GLCE: variants seen among roughly 807,000 people sequenced by gnomAD.
GLCE encodes the protein glucuronic acid epimerase.
Under a neutral mutation model 47.9 loss-of-function variants are expected in GLCE, and 19 were observed. The observed-to-expected ratio is 0.40, with a 90% CI of 0.28 to 0.58. The LOEUF is 0.58. Among genes scored for constraint, GLCE ranks in the 20% least tolerant of loss-of-function variants. The pLI is 0.48. For missense variants in GLCE, 556 were observed against 743.3 expected, an observed-to-expected ratio of 0.75 and a Z score of 2.93; for synonymous variants, 245 against 263.4, an observed-to-expected ratio of 0.93 and a Z score of 0.68.
chr15:69,176,513 C>G lies in GLCE; in HGVS notation c.-105+15756C>G, dbSNP rs182866274. Among the ~76,000 whole-genome samples, 330 of 152,120 alleles carry G rather than the reference C, an allele frequency of 2.2e-3. 1 individual carries two copies. Among genetic ancestry groups the G allele is most frequent in the African/African-American group, 5.8e-3 (241 of 41,520 alleles). On this transcript the variant is annotated intron_variant, in intron 1 of 4. Transcript: ENST00000261858. ...TACTGGGATTACAGGCATGCGTCAG[C>G]CACCACCCCTGGCCCATTTTTGTTT... is the stretch of plus-strand genomic sequence containing the variant.
chr15:69,217,766 A>C (rs879337882), intron 2 of GLCE, among the ~76,000 whole-genome samples: 6 of 152,200 alleles, frequency 3.9e-5, no homozygotes, highest in Non-Finnish European at 5.9e-5. Flanking sequence ...TATTTTATTT[A>C]ATTCTTAAAT....
intron 1 of GLCE, chr15:69,197,199 A>C: frequency 2.4e-6 from 1 of 422,564 alleles, no homozygotes; most frequent in Non-Finnish European, 4.8e-6. Context: ...AAGTTGAATG[A>C]ATTGGGCACA....
intron 3 of GLCE, 60 bp from the exon 4 acceptor site, chr15:69,261,027 A>G (rs1325394394): frequency 1.3e-6 from 2 of 1,490,098 alleles, no homozygotes; most frequent in Non-Finnish European, 1.8e-6. Context: ...GAGGAATGGT[A>G]TTAGGAATAG....
At chr15:69,220,752 T>C (rs181655230) in intron 2 of GLCE, among the ~76,000 whole-genome samples, 3 of 152,324 alleles carry the variant, frequency 2.0e-5, no homozygotes, top group Non-Finnish European at 2.9e-5. Flanking sequence ...TCTGCTGATA[T>C]TGTCTTTTGA....
Position 69,261,172 on chromosome 15 carries a change from G to A in GLCE, c.672G>A (p.Lys224=). 6.2e-7 allele frequency: 1 copy of A among 1,613,984 alleles called. No individual in the cohort carries two copies. Among genetic ancestry groups the A allele is most frequent in the East Asian group, 2.2e-5 (1 of 44,858 alleles). The change falls in exon 4 of 5, where the codon AAG becomes AAA. Residue 224 remains lysine, a synonymous_variant. Transcript: ENST00000261858. ...AGTATGGATTAAGTCATTACAGCAA[G>A]AATCTAACTGAGAAACCTCCTCACA... ...IAQYGLSHYS[K]NLTEKPPHIE...
intron 1 of GLCE, among the ~76,000 whole-genome samples, chr15:69,188,112 G>A (rs934411225): frequency 3.3e-5 from 5 of 151,998 alleles, no homozygotes; most frequent in Non-Finnish European, 5.9e-5. Context: ...GCCTGGTGGT[G>A]CATGCCTGTA....
chr15:69,230,529 A>C (rs2052508533), intron 2 of GLCE, among the ~76,000 whole-genome samples: 1 of 152,198 alleles, frequency 6.6e-6, no homozygotes, highest in South Asian at 2.1e-4. Flanking sequence ...GTTGAACTGT[A>C]GTCTACCACA....
chr15:69,234,729 G>C (rs1381905994), intron 2 of GLCE, among the ~76,000 whole-genome samples: 1 of 152,102 alleles, frequency 6.6e-6, no homozygotes, highest in Non-Finnish European at 1.5e-5. Flanking sequence ...GTTAATGAAA[G>C]GTCTTGCAGT....
intron 1 of GLCE, among the ~76,000 whole-genome samples, chr15:69,187,221 G>C (rs751643599): frequency 6.6e-6 from 1 of 151,998 alleles, no homozygotes; most frequent in Non-Finnish European, 1.5e-5. Flanking sequence ...GCTAGTCACT[G>C]TTATCTGTCA....
intron 3 of GLCE, among the ~76,000 whole-genome samples, chr15:69,256,743 A>G (rs2140440735): frequency 6.6e-6 from 1 of 152,316 alleles, no homozygotes; most frequent in South Asian, 2.1e-4. Flanking sequence ...CATCCAGTGG[A>G]CCCATCAATG....
chr15:69,267,783 A>C (rs188500431), intron 4 of GLCE, among the ~76,000 whole-genome samples: 1 of 151,652 alleles, frequency 6.6e-6, no homozygotes, highest in Non-Finnish European at 1.5e-5. Context: ...TTTAAAATTC[A>C]TGTATAACCA....
intron 4 of GLCE, among the ~76,000 whole-genome samples, chr15:69,267,119 T>A (rs2053097880): frequency 6.6e-6 from 1 of 152,238 alleles, no homozygotes; most frequent in Non-Finnish European, 1.5e-5. Flanking sequence ...AGATGAGCAG[T>A]ATTCAAAATG....
chr15:69,186,308 A>G (rs1446170640), intron 1 of GLCE, among the ~76,000 whole-genome samples: 1 of 152,138 alleles, frequency 6.6e-6, no homozygotes, highest in African/African-American at 2.4e-5. Context: ...GAAGAGGAGA[A>G]GGTCAGAGGC....
chr15:69,205,832 T>C lies in GLCE; in HGVS notation c.-104-4484T>C, dbSNP rs574258470. The stretch of plus-strand genomic sequence containing the variant: ...TCCTTTGACCATTAAAAACAACCTT[T>C]TTATTTTGGTAGAAGTTTAGGTGTA... On this transcript the variant is annotated intron_variant, in intron 1 of 4. Transcript: ENST00000261858. Among the ~76,000 whole-genome samples, 88 of 152,272 alleles carry C rather than the reference T, an allele frequency of 5.8e-4. 1 individual carries two copies. The highest frequency in any genetic ancestry group is 5.0e-3 in the South Asian group (24 of 4,828).
At chr15:69,260,340 A>G (rs2052996220) in intron 3 of GLCE, among the ~76,000 whole-genome samples, 1 of 145,288 alleles carries the variant, frequency 6.9e-6, no homozygotes, top group Admixed American at 7.3e-5. Context: ...GCTCACTGCA[A>G]CCCCTGCCTC....
chr15:69,189,024 T>C (rs1161850923), intron 1 of GLCE, among the ~76,000 whole-genome samples: 2 of 152,014 alleles, frequency 1.3e-5, no homozygotes, highest in Non-Finnish European at 2.9e-5. Context: ...GAACCTACAG[T>C]GATGTATCAT....
chr15:69,175,499 T>C (rs1030248756), intron 1 of GLCE, among the ~76,000 whole-genome samples: 2 of 152,236 alleles, frequency 1.3e-5, no homozygotes, highest in Admixed American at 1.3e-4. Flanking sequence ...CCAAAAAGTT[T>C]AATGAATAAA....
At chr15:69,237,237 C>T (rs2052605152) in intron 2 of GLCE, among the ~76,000 whole-genome samples, 1 of 152,094 alleles carries the variant, frequency 6.6e-6, no homozygotes, top group Non-Finnish European at 1.5e-5. Context: ...TTCTGCATTG[C>T]TTTGTGAAGT....
At chr15:69,229,355 T>G (rs1227821422) in intron 2 of GLCE, among the ~76,000 whole-genome samples, 1 of 152,152 alleles carries the variant, frequency 6.6e-6, no homozygotes, top group Admixed American at 6.5e-5. Context: ...GAGCCCACAA[T>G]GTTTCCAGGC....
Sources: allele counts gnomAD v4.1 joint callset (sites outside exome capture counted in the v4.1 genomes callset), GRCh38; gene constraint gnomAD v4.1.1; transcripts MANE v1.5; gene names NCBI Gene and HGNC (gene_info 2026-07-23, HGNC 2026-07-21).